RGS5: variants seen among roughly 807,000 people sequenced by gnomAD.
The protein encoded by RGS5 is regulator of G-protein signalling 5.
RGS5 carries 20 observed loss-of-function variants against 18.9 expected under a neutral mutation model. That is an observed-to-expected ratio of 1.06 (90% CI 0.74 to 1.54). The LOEUF (loss-of-function observed/expected upper bound fraction) is 1.54, where lower values mean the gene tolerates loss of function less well. Ranked by LOEUF, RGS5 falls within the 40% of genes most tolerant of loss-of-function variation. The pLI is 0.00. For missense variants in RGS5, 201 were observed against 211.8 expected (o/e 0.95, Z 0.32); for synonymous variants, 57 against 76.2 (o/e 0.75, Z 1.31).
chr1:163,305,703 A>G lies in RGS5; in HGVS notation c.-281+530T>C, dbSNP rs571862038. Among the ~76,000 whole-genome samples the G allele has an allele frequency of 3.3e-5, 5 of 152,330 alleles. No homozygotes were observed. The South Asian group carries it at 1.0e-3, about 32-fold the overall frequency. On this transcript the variant is annotated intron_variant, in intron 2 of 5. Coordinates refer to the RGS5 transcript ENST00000618415. ...TCCACTGTACTCCAATGGGAGCTCT[A>G]CAGTGGGCCTGCAGGTTCTACAGAT... is the stretch of plus-strand genomic sequence containing the variant.
At chr1:163,233,300 C>G (rs1647531835) in intron 2 of RGS5, among the ~76,000 whole-genome samples, 1 of 152,148 alleles carries the variant, frequency 6.6e-6, no homozygotes, top group South Asian at 2.1e-4. Flanking sequence ...AAAATGAGAT[C>G]TATGGGGTTT....
chr1:163,263,053 G>A (rs1271089802), intron 2 of RGS5, among the ~76,000 whole-genome samples: 1 of 152,126 alleles, frequency 6.6e-6, no homozygotes, highest in Non-Finnish European at 1.5e-5. Flanking sequence ...CACATCTTAT[G>A]AAATAAAGAA....
At chr1:163,273,617 T>C (rs1237395547) in intron 2 of RGS5, among the ~76,000 whole-genome samples, 4 of 152,170 alleles carry the variant, frequency 2.6e-5, no homozygotes, top group Admixed American at 1.3e-4. Flanking sequence ...TTTTCATTAG[T>C]TCTGTGAATA....
chr1:163,272,607 G>GT (rs1648749908), intron 2 of RGS5, among the ~76,000 whole-genome samples: 1 of 151,724 alleles, frequency 6.6e-6, no homozygotes, highest in Admixed American at 6.6e-5. Flanking sequence ...AGGGGCCTAA[G>GT]TTTTTTTTGT....
intron 1 of RGS5, among the ~76,000 whole-genome samples, chr1:163,201,234 A>C (rs1659760919): frequency 1.3e-5 from 2 of 152,322 alleles, no homozygotes; most frequent in Non-Finnish European, 1.5e-5. Context: ...AAAATGGCAA[A>C]GGAAATAATT....
chr1:163,202,229 C>T (rs1995787), intron 1 of RGS5, among the ~76,000 whole-genome samples: 2,305 of 152,246 alleles, frequency 0.015, 53 homozygotes, highest in African/African-American at 0.052. Flanking sequence ...GCCTCCCTCT[C>T]CCAGTCCCTG....
At chr1:163,152,159 G>C (rs1378883650) in intron 4 of RGS5, among the ~76,000 whole-genome samples, 1 of 152,132 alleles carries the variant, frequency 6.6e-6, no homozygotes. Flanking sequence ...TCAGATCAGA[G>C]ATGTTCAACC....
intron 1 of RGS5, among the ~76,000 whole-genome samples, chr1:163,214,034 T>G (rs1660166611): frequency 6.6e-6 from 1 of 152,218 alleles, no homozygotes; most frequent in South Asian, 2.1e-4. Flanking sequence ...GAACTCTACT[T>G]TCTCACCAGT....
At chr1:163,289,454 G>T (rs889496413) in intron 2 of RGS5, among the ~76,000 whole-genome samples, 1 of 151,978 alleles carries the variant, frequency 6.6e-6, no homozygotes, top group Non-Finnish European at 1.5e-5. Context: ...ATGAATGGCT[G>T]TCTAATGAGA....
chr1:163,257,067 T>C (rs1192186574), intron 2 of RGS5, among the ~76,000 whole-genome samples: 2 of 152,198 alleles, frequency 1.3e-5, no homozygotes, highest in East Asian at 1.9e-4. Context: ...CCTAGTACTG[T>C]CATGGGTCTG....
At chr1:163,272,026 C>G (rs1390826648) in intron 2 of RGS5, among the ~76,000 whole-genome samples, 1 of 151,694 alleles carries the variant, frequency 6.6e-6, no homozygotes, top group Non-Finnish European at 1.5e-5. Context: ...TCCTTCCTCT[C>G]TCTCTGTCTC....
chr1:163,245,328 A>T (rs1647899593), intron 2 of RGS5, among the ~76,000 whole-genome samples: 1 of 150,618 alleles, frequency 6.6e-6, no homozygotes, highest in Non-Finnish European at 1.5e-5. Flanking sequence ...TACTTGTACA[A>T]GAACACTTGC....
At chr1:163,260,256 A>G (rs998150224) in intron 2 of RGS5, 8 of 152,192 alleles carry the variant, frequency 5.3e-5, no homozygotes, top group African/African-American at 1.2e-4. Context: ...CAGTCAATTG[A>G]TGAGATCTTT....
intron 1 of RGS5, among the ~76,000 whole-genome samples, chr1:163,315,946 C>A (rs947043924): frequency 1.2e-4 from 18 of 152,048 alleles, no homozygotes; most frequent in Non-Finnish European, 2.1e-4. Flanking sequence ...AACTTTCAAA[C>A]TATGTAAGGT....
At chr1:163,174,013 T>G (rs865795580) in intron 1 of RGS5, among the ~76,000 whole-genome samples, 4 of 151,936 alleles carry the variant, frequency 2.6e-5, no homozygotes, top group African/African-American at 9.7e-5. Flanking sequence ...GAGGTGGAGG[T>G]TGCAGTAAGC....
At chr1:163,248,720 A>G (rs1458581021) in intron 2 of RGS5, 1 of 152,188 alleles carries the variant, frequency 6.6e-6, no homozygotes, top group Non-Finnish European at 1.5e-5. Context: ...GAAAGATAAA[A>G]GGAAGAAAGA....
upstream of RGS5, chr1:163,206,972 T>C (rs866787749): frequency 2.0e-5 from 3 of 152,322 alleles, no homozygotes; most frequent in Middle Eastern, 3.4e-3. Context: ...ATTTTTTGTT[T>C]TTGTTTTTAG....
chr1:163,248,603 A>G (rs967119564), intron 2 of RGS5: 1 of 148,004 alleles, frequency 6.8e-6, no homozygotes, highest in East Asian at 1.9e-4. Flanking sequence ...ATTTCCCTGG[A>G]AAAAAAAAAC....
intron 2 of RGS5, among the ~76,000 whole-genome samples, chr1:163,241,393 T>C (rs1173073453): frequency 6.6e-6 from 1 of 152,204 alleles, no homozygotes; most frequent in Non-Finnish European, 1.5e-5. Context: ...TTCTCTTCCA[T>C]TGCTCTAAAC....
Sources: allele counts gnomAD v4.1 joint callset (sites outside exome capture counted in the v4.1 genomes callset), GRCh38; gene constraint gnomAD v4.1.1; transcripts MANE v1.5; gene names NCBI Gene and HGNC (gene_info 2026-07-23, HGNC 2026-07-21).